ARID1A: variants seen among roughly 807,000 people sequenced by gnomAD.
ARID1A encodes AT-rich interactive domain-containing protein 1A.
ARID1A carries 20 observed loss-of-function variants against 212.6 expected under a neutral mutation model. That is an observed-to-expected ratio of 0.09 (90% CI 0.07 to 0.14). The LOEUF (loss-of-function observed/expected upper bound fraction) is 0.14. Among genes scored for constraint, ARID1A ranks in the 10% least tolerant of loss-of-function variants. The pLI is 1.00. For synonymous variants in ARID1A, 1,376 were observed against 1,222.1 expected (o/e 1.13, Z -2.63); for missense variants, 2,587 against 3,059.0 (o/e 0.85, Z 3.64).
At position 26,766,316 on chromosome 1, in the gene ARID1A, C is replaced by G. The variant is rs764516776; in HGVS notation, c.2828C>G (p.Pro943Arg). The stretch of plus-strand genomic sequence containing the variant: ...AATAGTATGGCTGGCATGATCAACC[C>G]TCAGGGACCCCCATATTCCATGGGT... ...GINSMAGMIN[P>R]QGPPYSMGGT... Residue 943 changes from proline to arginine, a missense_variant, in exon 9 of 20, where the codon CCT (proline) becomes CGT (arginine). This residue lies in a region of ARID1A where 674 missense variants were observed against 813.4 expected (regional missense o/e 0.83). Transcript: ENST00000324856. The G allele has an allele frequency of 2.5e-6, 4 of 1,614,084 alleles. No individual in the cohort carries two copies. In the East Asian group the frequency reaches 8.9e-5, roughly 36 times the overall value.
chr1:26,723,647 A>C (rs1381127236), intron 1 of ARID1A, among the ~76,000 whole-genome samples: 1 of 151,860 alleles, frequency 6.6e-6, no homozygotes, highest in Admixed American at 6.6e-5. Flanking sequence ...TATGCAGATT[A>C]GCCATGTGTT....
At chr1:26,741,402 G>A (rs1458753206) in intron 4 of ARID1A, among the ~76,000 whole-genome samples, 2 of 152,306 alleles carry the variant, frequency 1.3e-5, no homozygotes, top group East Asian at 3.9e-4. Context: ...GAAAGGGAAA[G>A]AGCACTCTTG....
At chr1:26,746,357 T>G (rs1385473858) in intron 4 of ARID1A, among the ~76,000 whole-genome samples, 1 of 152,232 alleles carries the variant, frequency 6.6e-6, no homozygotes, top group African/African-American at 2.4e-5. Context: ...CCTTTTCTTT[T>G]GCTGTTGGTG....
intron 5 of ARID1A, 101 bp from the exon 6 acceptor site, chr1:26,761,283 C>G: frequency 6.7e-7 from 1 of 1,484,314 alleles, no homozygotes; most frequent in South Asian, 1.2e-5. Flanking sequence ...CTGGGAGGTA[C>G]TTGGCCTCTT....
chr1:26,725,852 C>CTTTTT (rs71007888), intron 1 of ARID1A, among the ~76,000 whole-genome samples: 7 of 126,742 alleles, frequency 5.5e-5, no homozygotes, highest in Non-Finnish European at 1.0e-4. Flanking sequence ...TGGTATAAAC[C>CTTTTT]TTTTTTTTTT....
intron 1 of ARID1A, among the ~76,000 whole-genome samples, chr1:26,715,048 C>T (rs867334118): frequency 6.6e-6 from 1 of 152,028 alleles, no homozygotes; most frequent in Non-Finnish European, 1.5e-5. Flanking sequence ...AGAAATTTAG[C>T]GTCTTTTTTG....
In ARID1A at chr1:26,697,139, G is replaced by A. The variant is rs2080274763; in HGVS notation, c.736G>A (p.Ala246Thr). ...GGTPGSGAAA[A>T]AGSKPPPSSS... is the part of the protein sequence containing the mutation. The stretch of plus-strand genomic sequence containing the variant: ...CACTCCGGGCTCCGGCGCGGCGGCG[G>A]CTGCCGGCTCCAAGCCGCCTCCCTC... Residue 246 changes from alanine (A) to threonine (T), a missense_variant, in exon 1 of 20, where the codon GCT becomes ACT. By Grantham distance (58) the Ala-to-Thr change is moderately conservative (BLOSUM62 0). Coordinates refer to ENST00000324856, the MANE Select transcript of ARID1A (RefSeq NM_006015.6). The A allele has an allele frequency of 1.4e-6, 2 of 1,440,218 alleles. No homozygotes were observed. Among genetic ancestry groups the A allele is most frequent in the East Asian group, 3.0e-5 (1 of 33,744 alleles). 89.2% of individuals were successfully genotyped at this position (1,440,218 alleles called of 1,614,324 possible).
In ARID1A at chr1:26,720,712, A is replaced by G. The variant is rs547562165; in HGVS notation, c.1138-8939A>G. ...GGGAACATGGTGAAACCCCATCTCT[A>G]CAAAAACTGGCTATGATGGCATGTG... On this transcript the variant is annotated intron_variant, in intron 1 of 19. Coordinates refer to ENST00000324856, the MANE Select transcript of ARID1A (RefSeq NM_006015.6). Among the ~76,000 whole-genome samples, 12 of 152,022 alleles carry G rather than the reference A, an allele frequency of 7.9e-5. No homozygotes were observed. The South Asian group carries it at 2.5e-3, about 32-fold the overall frequency.
At chr1:26,704,728 C>T (rs1240986746) in intron 1 of ARID1A, among the ~76,000 whole-genome samples, 2 of 151,868 alleles carry the variant, frequency 1.3e-5, no homozygotes, top group South Asian at 2.1e-4. Flanking sequence ...TGTGGTGGTA[C>T]GTGCCTGTAG....
Position 26,780,010 on chromosome 1 carries a change from G to A in ARID1A, c.6112G>A (p.Asp2038Asn), listed in dbSNP as rs1451507023. 6.2e-7 allele frequency: 1 copy of A among 1,614,152 alleles called. No individual in the cohort carries two copies. The highest frequency in any genetic ancestry group is 8.5e-7 in the Non-Finnish European group (1 of 1,180,010). ...PLTYEKEEEQDQGVSCNKVEW... is the reference protein window; with the variant it reads ...PLTYEKEEEQNQGVSCNKVEW... ...AACTTATGAAAAGGAGGAGGAACAG[G>A]ACCAAGGGGTGAGCTGCAACAAAGT... The change falls in exon 20 of 20, where the codon GAC (aspartate) becomes AAC (asparagine). Residue 2038 changes from aspartate to asparagine, a missense_variant. Physicochemically the swap from Asp to Asn is conservative, Grantham distance 23 (BLOSUM62 1). Coordinates refer to ENST00000324856, the MANE Select transcript of ARID1A (RefSeq NM_006015.6). The surrounding 1 kb of genome is among the most constrained non-coding windows in gnomAD (Gnocchi z 7.2).
chr1:26,754,397 C>A (rs959955181), intron 4 of ARID1A, among the ~76,000 whole-genome samples: 1 of 152,214 alleles, frequency 6.6e-6, no homozygotes, highest in Non-Finnish European at 1.5e-5. Context: ...GCCACTGGGA[C>A]TGGTGGGTAT....
At chr1:26,735,754 T>C (rs2080723149) in intron 4 of ARID1A, among the ~76,000 whole-genome samples, 1 of 152,222 alleles carries the variant, frequency 6.6e-6, no homozygotes. Flanking sequence ...AGACCAGGGA[T>C]GGCACTTTGA....
rs1028353479 is a variant in ARID1A at position 26,780,854 on chromosome 1, C to T, written c.*98C>T. 21 of 1,454,264 alleles carry T rather than the reference C, an allele frequency of 1.4e-5. No homozygotes were observed. In the East Asian group the frequency reaches 2.8e-4, roughly 19 times the overall value. 90.1% of individuals were successfully genotyped at this position (1,454,264 alleles called of 1,614,324 possible). A position where few individuals can be genotyped will look rare whatever the true frequency, so the allele number is the denominator to read the frequency against. ...TATTTATGCAAAACCACCTCAGAAT[C>T]CAGTTTACCCTGTGCTGTCCAGCTT... is the stretch of plus-strand genomic sequence containing the variant. On this transcript the variant is annotated 3_prime_UTR_variant, in exon 20 of 20. Transcript: ENST00000324856. The surrounding 1 kb of genome is among the most constrained non-coding windows in gnomAD (Gnocchi z 7.2).
At chr1:26,702,608 T>TA (rs1482236820) in intron 1 of ARID1A, among the ~76,000 whole-genome samples, 1 of 152,140 alleles carries the variant, frequency 6.6e-6, no homozygotes, top group African/African-American at 2.4e-5. Flanking sequence ...GGCAAATTAA[T>TA]AAACAGTTTT....
chr1:26,775,785 G>C, intron 19 of ARID1A, 78 bp downstream of exon 19: 1 of 1,600,044 alleles, frequency 6.2e-7, no homozygotes, highest in Non-Finnish European at 8.5e-7. Flanking sequence ...CTCATCTTTA[G>C]CCACCTTGGT....
intron 4 of ARID1A, 23 bp from the exon 5 acceptor site, chr1:26,760,833 A>G (rs1223731511): frequency 1.3e-6 from 2 of 1,594,150 alleles, no homozygotes; most frequent in Non-Finnish European, 1.7e-6. Flanking sequence ...TTACTAATCC[A>G]TGTTCTTATA....
chr1:26,704,532 A>G (rs886159286), intron 1 of ARID1A, among the ~76,000 whole-genome samples: 1 of 152,184 alleles, frequency 6.6e-6, no homozygotes, highest in African/African-American at 2.4e-5. Context: ...GCACATATGC[A>G]GTCTGCCCAT....
At chr1:26,716,074 T>C (rs952735260) in intron 1 of ARID1A, among the ~76,000 whole-genome samples, 1 of 151,128 alleles carries the variant, frequency 6.6e-6, no homozygotes, top group African/African-American at 2.4e-5. Flanking sequence ...GGAGTGGTGG[T>C]GCATGCCCGT....
intron 19 of ARID1A, among the ~76,000 whole-genome samples, chr1:26,776,292 T>TC (rs2081134974): frequency 6.6e-6 from 1 of 151,812 alleles, no homozygotes; most frequent in Admixed American, 6.6e-5. Context: ...TTTTTTTTTT[T>TC]TTTGACTGAG....
Sources: gnomAD v4.1 joint callset for allele counts (sites outside exome capture counted in the v4.1 genomes callset) on GRCh38, gnomAD v4.1.1 for gene constraint, gnomAD v4.1.1 regional missense constraint, Gnocchi (gnomAD v3.1) non-coding constraint, MANE v1.5 for transcripts, NCBI Gene and HGNC (gene_info 2026-07-23, HGNC 2026-07-21) for gene names.